The following FGGY variants were observed in gnomAD, a reference collection of about 807,000 sequenced individuals.
The protein encoded by FGGY is FGGY carbohydrate kinase domain containing, also known as FGGY carbohydrate kinase domain-containing protein.
Under a neutral mutation model 71.3 loss-of-function variants are expected in FGGY, and 72 were observed. That is an observed-to-expected ratio of 1.01 (90% CI 0.84 to 1.23). The LOEUF (loss-of-function observed/expected upper bound fraction) is 1.23, where lower values mean the gene tolerates loss of function less well. Among genes scored for constraint, FGGY ranks in the 50% most tolerant of loss-of-function variants. The probability of loss-of-function intolerance (pLI) is 0.00; values close to 1 mark genes in which losing one functional copy is unlikely to be tolerated. For missense variants in FGGY, 668 were observed against 682.3 expected, an observed-to-expected ratio of 0.98 and a Z score of 0.23; for synonymous variants, 251 against 250.3, an observed-to-expected ratio of 1.00 and a Z score of -0.02.
chr1:59,637,879 T>C (rs1273979465), intron 10 of FGGY, among the ~76,000 whole-genome samples: 1 of 152,236 alleles, frequency 6.6e-6, no homozygotes, highest in African/African-American at 2.4e-5. Context: ...TTCTTTGATC[T>C]TCACAATAAC....
At chr1:59,551,591 C>T (rs1160417039) in intron 7 of FGGY, among the ~76,000 whole-genome samples, 1 of 151,802 alleles carries the variant, frequency 6.6e-6, no homozygotes, top group African/African-American at 2.4e-5. Flanking sequence ...CATTGGTTGC[C>T]TGGCTATTGG....
intron 9 of FGGY, among the ~76,000 whole-genome samples, chr1:59,610,805 C>T (rs2096668788): frequency 6.6e-6 from 1 of 152,258 alleles, no homozygotes; most frequent in Admixed American, 6.5e-5. Flanking sequence ...AATTGGGTCA[C>T]TCCCACACGG....
chr1:59,708,611 G>T lies in FGGY; in HGVS notation c.1512+34478G>T, dbSNP rs187160942. On this transcript the variant is annotated intron_variant, in intron 14 of 15. Transcript: ENST00000303721. ...ACTTAATCTTTAAAGGAGGTTATGT[G>T]AGGTGGGTAGATATTATTATCTTCA... is the stretch of plus-strand genomic sequence containing the variant. 2.8e-3 allele frequency among the ~76,000 whole-genome samples: 432 copies of T among 152,296 alleles called. 4 individuals carry two copies. Among genetic ancestry groups the T allele is most frequent in the African/African-American group, 9.7e-3 (405 of 41,552 alleles).
intron 7 of FGGY, among the ~76,000 whole-genome samples, chr1:59,521,876 T>C (rs2094843772): frequency 6.6e-6 from 1 of 152,248 alleles, no homozygotes; most frequent in Non-Finnish European, 1.5e-5. Context: ...TGGTGGTTAT[T>C]AAATAGGTAA....
chr1:59,558,217 T>C (rs907218516), intron 8 of FGGY, among the ~76,000 whole-genome samples: 1 of 152,220 alleles, frequency 6.6e-6, no homozygotes, highest in Non-Finnish European at 1.5e-5. Flanking sequence ...AAATATGATA[T>C]TGTTATTAAA....
At chr1:59,572,849 C>T (rs894507909) in intron 8 of FGGY, among the ~76,000 whole-genome samples, 2 of 152,190 alleles carry the variant, frequency 1.3e-5, no homozygotes, top group Non-Finnish European at 2.9e-5. Context: ...GTCGTTCAGG[C>T]ATTCCTTGGA....
chr1:59,346,433 A>G (rs1377141933), intron 4 of FGGY, 35 bp downstream of exon 4: 3 of 1,605,072 alleles, frequency 1.9e-6, no homozygotes, highest in Non-Finnish European at 2.6e-6. Flanking sequence ...GATACCAACA[A>G]TAGTAGAGGA....
At chr1:59,640,346 ATTC>A (rs983868412) in intron 11 of FGGY, among the ~76,000 whole-genome samples, 3 of 152,198 alleles carry the variant, frequency 2.0e-5, no homozygotes, top group Admixed American at 1.3e-4. Context: ...TGACCCTGAA[ATTC>A]TTCTGTTATG....
At chr1:59,613,471 C>A (rs920307214) in intron 9 of FGGY, among the ~76,000 whole-genome samples, 1 of 152,134 alleles carries the variant, frequency 6.6e-6, no homozygotes, top group African/African-American at 2.4e-5. Context: ...CACAACATAC[C>A]AGAATCTCTG....
At chr1:59,619,721 A>G (rs920947959) in intron 9 of FGGY, among the ~76,000 whole-genome samples, 1 of 152,066 alleles carries the variant, frequency 6.6e-6, no homozygotes, top group Non-Finnish European at 1.5e-5. Context: ...TGAAATGGAA[A>G]CCATTGGAGA....
intron 4 of FGGY, among the ~76,000 whole-genome samples, chr1:59,378,396 G>A (rs2153328746): frequency 6.6e-6 from 1 of 151,854 alleles, no homozygotes; most frequent in Middle Eastern, 3.4e-3. Context: ...GGCCTCCCCA[G>A]CCACGCGAAA....
intron 5 of FGGY, among the ~76,000 whole-genome samples, chr1:59,412,446 C>T (rs2063741776): frequency 6.6e-6 from 1 of 152,088 alleles, no homozygotes; most frequent in Admixed American, 6.6e-5. Flanking sequence ...CATCTTGCCT[C>T]CCCCTCCTTA....
At chr1:59,592,318 C>G (rs972126258) in intron 8 of FGGY, among the ~76,000 whole-genome samples, 1 of 152,004 alleles carries the variant, frequency 6.6e-6, no homozygotes, top group Non-Finnish European at 1.5e-5. Flanking sequence ...GAAATAGGAA[C>G]ACTTTTACAC....
At position 59,564,496 on chromosome 1, in the gene FGGY, C is replaced by A. The variant is rs115844274; in HGVS notation, c.903+10269C>A. Among the ~76,000 whole-genome samples the A allele has an allele frequency of 3.1e-3, 471 of 152,282 alleles. 2 individuals carry two copies. Among genetic ancestry groups the A allele is most frequent in the African/African-American group, 0.011 (455 of 41,552 alleles). On this transcript the variant is annotated intron_variant, in intron 8 of 15. Transcript: ENST00000303721. Reference sequence around the variant, plus strand: ...AGGGTGTGGCCTGGGCCTGGGGGGCCCATGTTTCATCCAGGACCATGAGGC... The same window carrying A: ...AGGGTGTGGCCTGGGCCTGGGGGGCACATGTTTCATCCAGGACCATGAGGC...
At chr1:59,508,515 A>G (rs1382046630) in intron 6 of FGGY, among the ~76,000 whole-genome samples, 1 of 152,220 alleles carries the variant, frequency 6.6e-6, no homozygotes, top group Non-Finnish European at 1.5e-5. Flanking sequence ...TATATTGGGA[A>G]AAGTTGTCAG....
Position 59,674,131 on chromosome 1 carries a change from C to G in FGGY, c.1510C>G (p.Gln504Glu), listed in dbSNP as rs768874789. ...TGCCTCAGGGGATTTCGCTTCTGTACAGGTATGTGAAGACCAGGGGGTGGG... is the reference window on the plus strand; with the variant it reads ...TGCCTCAGGGGATTTCGCTTCTGTAGAGGTATGTGAAGACCAGGGGGTGGG... Reference protein sequence around the residue: ...ACASGDFASVQEAMAKMSKVG... With the variant: ...ACASGDFASVEEAMAKMSKVG... The change falls in exon 14 of 16, where the codon CAG becomes GAG. Residue 504 changes from glutamine to glutamate, a missense_variant and splice_region_variant. Gln to Glu is a conservative substitution (Grantham distance 29). Coordinates refer to ENST00000303721, the MANE Select transcript of FGGY (RefSeq NM_018291.5). The G allele has an allele frequency of 6.2e-7, 1 of 1,613,330 alleles. No homozygotes were observed. Among genetic ancestry groups the G allele is most frequent in the Non-Finnish European group, 8.5e-7 (1 of 1,179,590 alleles).
At position 59,541,267 on chromosome 1, in the gene FGGY, T is replaced by C. The variant is rs187229386; in HGVS notation, c.800-12857T>C. Among the ~76,000 whole-genome samples, 159 of 152,164 alleles carry C rather than the reference T, an allele frequency of 1.0e-3. 1 individual carries two copies. The highest frequency in any genetic ancestry group is 3.6e-3 in the African/African-American group (151 of 41,516). On this transcript the variant is annotated intron_variant, in intron 7 of 15. Coordinates refer to ENST00000303721, the MANE Select transcript of FGGY (RefSeq NM_018291.5). ...TGGGCCACACAGCCCCATAGAAAGATGATGGAAGGGAGAAGAAGGGAAGAA... is the reference window on the plus strand; with the variant it reads ...TGGGCCACACAGCCCCATAGAAAGACGATGGAAGGGAGAAGAAGGGAAGAA...
intron 8 of FGGY, among the ~76,000 whole-genome samples, chr1:59,606,041 T>A (rs2096620524): frequency 6.6e-6 from 1 of 152,206 alleles, no homozygotes; most frequent in African/African-American, 2.4e-5. Context: ...CATGTACCAC[T>A]GCAGATGAAT....
At chr1:59,658,037 G>T (rs2097237958) in intron 11 of FGGY, among the ~76,000 whole-genome samples, 1 of 152,166 alleles carries the variant, frequency 6.6e-6, no homozygotes, top group Non-Finnish European at 1.5e-5. Flanking sequence ...AAGAAGCATT[G>T]AATTGTCACT....
Sources: gnomAD v4.1 joint callset for allele counts (sites outside exome capture counted in the v4.1 genomes callset) on GRCh38, gnomAD v4.1.1 for gene constraint, MANE v1.5 for transcripts, NCBI Gene and HGNC (gene_info 2026-07-23, HGNC 2026-07-21) for gene names.